ATIC: variants seen among roughly 807,000 people sequenced by gnomAD.
The protein encoded by ATIC is 5-aminoimidazole-4-carboxamide ribonucleotide formyltransferase/IMP cyclohydrolase.
A neutral mutation model predicts 72.5 loss-of-function variants in ATIC; 64 were observed. The observed-to-expected ratio is 0.88, with a 90% CI of 0.72 to 1.09. ATIC has a LOEUF of 1.09. Among genes scored for constraint, ATIC ranks in the 50% least tolerant of loss-of-function variants. ATIC has a pLI of 0.00. For missense variants in ATIC, 787 were observed against 732.4 expected (o/e 1.07, Z -0.86); for synonymous variants, 281 against 267.1 (o/e 1.05, Z -0.51).
chr2:215,335,966 C>T, intron 10 of ATIC, 69 bp from the exon 11 acceptor site: 1 of 1,230,128 alleles, frequency 8.1e-7, no homozygotes, highest in South Asian at 1.3e-5. Flanking sequence ...CTGATAATTG[C>T]TGCTAGATTT....
At position 215,319,666 on chromosome 2, in the gene ATIC, A is replaced by G. The variant is rs141453809; in HGVS notation, c.225A>G (p.Gly75=). 27 of 1,607,944 alleles carry G rather than the reference A, an allele frequency of 1.7e-5. No homozygotes were observed. The African/African-American group carries it at 3.3e-4, about 20-fold the overall frequency. The part of the protein sequence containing the change: ...VKTLHPAVHA[G]ILARNIPEDN... ...CTTTGTTTAACTTTTTTAAATTAGG[A>G]ATCCTAGCTCGTAATATTCCAGAAG... Residue 75 remains glycine (G), a splice_region_variant and synonymous_variant, in exon 4 of 16, where the codon GGA becomes GGG. Transcript: ENST00000236959.
intron 2 of ATIC, among the ~76,000 whole-genome samples, chr2:215,314,868 G>T (rs2052692676): frequency 6.6e-6 from 1 of 152,140 alleles, no homozygotes; most frequent in Admixed American, 6.5e-5. Flanking sequence ...TTTTATAAGA[G>T]AAGACAGGTT....
chr2:215,349,483 T>G, intron 15 of ATIC, 53 bp from the exon 16 acceptor site: 1 of 1,613,296 alleles, frequency 6.2e-7, no homozygotes, highest in South Asian at 1.1e-5. Context: ...GATTTTGAGT[T>G]TTGCAGGTTT....
the ATIC span, chr2:215,364,506 G>A: frequency 3.0e-6 from 1 of 327,882 alleles, no homozygotes; most frequent in African/African-American, 2.1e-5. Context: ...TAATTAATTT[G>A]AATAGTATCT....
At chr2:215,347,015 T>A in intron 14 of ATIC, 74 bp downstream of exon 14, 1 of 1,519,578 alleles carries the variant, frequency 6.6e-7, no homozygotes, top group South Asian at 1.1e-5. Flanking sequence ...AGATTTTAAC[T>A]TCATCACCAC....
At chr2:215,327,544 T>A (rs2106009661) in intron 7 of ATIC, among the ~76,000 whole-genome samples, 1 of 152,262 alleles carries the variant, frequency 6.6e-6, no homozygotes, top group Admixed American at 6.5e-5. Flanking sequence ...TTGTAGAGTT[T>A]AGAGAGGGTT....
At chr2:215,346,070 G>A (rs1220828910) in intron 13 of ATIC, among the ~76,000 whole-genome samples, 7 of 152,212 alleles carry the variant, frequency 4.6e-5, no homozygotes, top group African/African-American at 1.7e-4. Context: ...ATTTCTGAGA[G>A]TTGATATTTT....
intron 7 of ATIC, among the ~76,000 whole-genome samples, chr2:215,331,372 G>GT (rs2052891990): frequency 5.7e-5 from 7 of 121,906 alleles, no homozygotes; most frequent in Non-Finnish European, 5.0e-5. Context: ...ACACATTTTT[G>GT]TTTTTTGGGT....
At chr2:215,320,776 T>G (rs1280566936) in intron 4 of ATIC, among the ~76,000 whole-genome samples, 1 of 152,128 alleles carries the variant, frequency 6.6e-6, no homozygotes, top group African/African-American at 2.4e-5. Flanking sequence ...AGATGGGGTT[T>G]CACCATGTTG....
the ATIC span, chr2:215,361,703 G>T: frequency 8.6e-7 from 1 of 1,160,200 alleles, no homozygotes; most frequent in Non-Finnish European, 1.3e-6. Context: ...GCGGGGAGGT[G>T]GGGACTCATG....
the ATIC span, chr2:215,368,046 A>G: frequency 1.2e-6 from 2 of 1,613,754 alleles, no homozygotes. Flanking sequence ...AAAAGGAAGA[A>G]AAAGCAAAAA....
downstream of ATIC, among the ~76,000 whole-genome samples, chr2:215,353,208 T>G (rs2053143844): frequency 6.6e-6 from 1 of 152,226 alleles, no homozygotes; most frequent in African/African-American, 2.4e-5. Context: ...TTGATACATT[T>G]GAGGCCTATT....
downstream of ATIC, among the ~76,000 whole-genome samples, chr2:215,350,596 T>A (rs1394221034): frequency 1.3e-5 from 2 of 152,240 alleles, no homozygotes; most frequent in Non-Finnish European, 2.9e-5. Flanking sequence ...CAGTGCTAAG[T>A]GAAATGTTTC....
At chr2:215,324,712 A>T (rs927920752) in intron 4 of ATIC, among the ~76,000 whole-genome samples, 1 of 152,114 alleles carries the variant, frequency 6.6e-6, no homozygotes, top group Non-Finnish European at 1.5e-5. Context: ...ATTTTAAATT[A>T]TTCTTTTGGC....
downstream of ATIC, among the ~76,000 whole-genome samples, chr2:215,353,446 C>T (rs2053145359): frequency 6.6e-6 from 1 of 152,130 alleles, no homozygotes; most frequent in Admixed American, 6.6e-5. Context: ...TTGTGTTTAC[C>T]TTCACTTCAT....
chr2:215,365,749 G>A, the ATIC span: 9 of 834,512 alleles, frequency 1.1e-5, no homozygotes, highest in Admixed American at 2.1e-4. Flanking sequence ...AAAATAGCAA[G>A]TTAAAGATAA....
At chr2:215,342,271 A>G (rs946548325) in intron 12 of ATIC, among the ~76,000 whole-genome samples, 3 of 152,242 alleles carry the variant, frequency 2.0e-5, no homozygotes, top group African/African-American at 7.2e-5. Context: ...TGACTCAAAT[A>G]GCAGATAAAG....
At chr2:215,348,611 G>A (rs1298271735) in intron 14 of ATIC, 1 of 402,716 alleles carries the variant, frequency 2.5e-6, no homozygotes, top group Non-Finnish European at 4.8e-6. Flanking sequence ...ATTTCTAAAA[G>A]CATCAAAGAG....
At chr2:215,337,224 G>A (rs967754821) in intron 11 of ATIC, among the ~76,000 whole-genome samples, 2 of 151,754 alleles carry the variant, frequency 1.3e-5, no homozygotes, top group Non-Finnish European at 2.9e-5. Flanking sequence ...TCATAGTATT[G>A]ATATCAGAAC....
Sources: allele counts gnomAD v4.1 joint callset (sites outside exome capture counted in the v4.1 genomes callset), GRCh38; gene constraint gnomAD v4.1.1; transcripts MANE v1.5; gene names NCBI Gene and HGNC (gene_info 2026-07-23, HGNC 2026-07-21).